Variants in SVIL observed in about 807,000 individuals in gnomAD.
The protein encoded by SVIL is supervillin.
In SVIL, 101 loss-of-function variants were observed where a neutral mutation model predicts 240.4. The observed-to-expected ratio is 0.42, with a 90% CI of 0.36 to 0.50. The LOEUF is 0.50. Ranked by LOEUF, SVIL falls within the 20% of genes least tolerant of loss-of-function variation. The pLI is 0.01. For missense variants in SVIL, 2,512 were observed against 2,818.7 expected (o/e 0.89, Z 2.46); for synonymous variants, 999 against 1,100.0 (o/e 0.91, Z 1.82).
At chr10:29,661,709 G>T (rs938089321) in intron 2 of SVIL, among the ~76,000 whole-genome samples, 3 of 152,218 alleles carry the variant, frequency 2.0e-5, no homozygotes, top group Non-Finnish European at 4.4e-5. Flanking sequence ...ATCCTTTTAG[G>T]TTAATGTTTC....
chr10:29,515,404 C>A (rs1327439793), intron 16 of SVIL, among the ~76,000 whole-genome samples: 2 of 152,170 alleles, frequency 1.3e-5, no homozygotes, highest in Non-Finnish European at 2.9e-5. Context: ...AATAATCTCA[C>A]AAAATGAAAT....
chr10:29,502,209 T>C (rs1483656453), intron 17 of SVIL, among the ~76,000 whole-genome samples: 1 of 152,212 alleles, frequency 6.6e-6, no homozygotes, highest in Non-Finnish European at 1.5e-5. Context: ...TGCTACTTAG[T>C]AGGGTTAGCT....
rs935970272 is a variant in SVIL, at chr10:29,713,189, GA to G, written c.-400+22561del. On this transcript the variant is annotated intron_variant, in intron 1 of 35. Transcript: ENST00000375400. Reference sequence around the variant, plus strand: ...ACAGTCCATCTCAAAAAAGAAAAAAGAAAAAAAAAAACTGCAGTGGTAATCA... The same window carrying G: ...ACAGTCCATCTCAAAAAAGAAAAAAGAAAAAAAAAACTGCAGTGGTAATCA... 1.0e-3 allele frequency among the ~76,000 whole-genome samples: 139 copies of G among 132,614 alleles called. 1 individual carries two copies. The highest frequency in any genetic ancestry group is 1.5e-3 in the Non-Finnish European group (89 of 61,212). 87.0% of individuals were successfully genotyped at this position (132,614 alleles called of 152,430 possible). A position where few individuals can be genotyped will look rare whatever the true frequency, so the allele number is the denominator to read the frequency against.
intron 3 of SVIL, among the ~76,000 whole-genome samples, chr10:29,556,537 C>T (rs554242261): frequency 1.3e-5 from 2 of 152,246 alleles, no homozygotes; most frequent in East Asian, 3.9e-4. Flanking sequence ...GTGATAGCCA[C>T]CTTAAAACTT....
chr10:29,675,910 T>C lies in SVIL; in HGVS notation c.-301+10643A>G, dbSNP rs188146301. On this transcript the variant is annotated intron_variant, in intron 2 of 35. Transcript: ENST00000375400. ...AGTCTTGAAACATAAGAAAGTTACA[T>C]TTGTCTTATCTGAGCTCCTTTCTCA... Among the ~76,000 whole-genome samples the C allele has an allele frequency of 9.9e-5, 15 of 152,268 alleles. No homozygotes were observed. The East Asian group carries it at 1.9e-3, about 20-fold the overall frequency.
chr10:29,532,120 C>T lies in SVIL; in HGVS notation c.1891G>A (p.Glu631Lys). Residue 631 changes from glutamate to lysine, a missense_variant, in exon 9 of 38, where the codon GAA becomes AAA. Glu to Lys is a moderately conservative substitution (Grantham distance 56). This residue lies in a region of SVIL where 1,443 missense variants were observed against 1,486.6 expected (regional missense o/e 0.97). Coordinates refer to ENST00000355867, the MANE Select transcript of SVIL (RefSeq NM_021738.3). ...AEGPGLPTGV[E>K]RERGSRKPRR... The stretch of plus-strand genomic sequence containing the variant: ...GGTTTCCGGGACCCTCTCTCCCGTT[C>T]CACACCGGTGGGCAAGCCAGGTCCT... 1 of 1,614,002 alleles carries T rather than the reference C, an allele frequency of 6.2e-7. No individual in the cohort carries two copies. The highest frequency in any genetic ancestry group is 1.1e-5 in the South Asian group (1 of 91,072).
chr10:29,650,704 C>A (rs921323484), intron 3 of SVIL, among the ~76,000 whole-genome samples: 2 of 152,110 alleles, frequency 1.3e-5, no homozygotes, highest in African/African-American at 4.8e-5. Flanking sequence ...AATGTCAACA[C>A]ATTGGGAGGC....
intron 1 of SVIL, among the ~76,000 whole-genome samples, chr10:29,610,684 G>C (rs1450123813): frequency 6.6e-6 from 1 of 152,080 alleles, no homozygotes; most frequent in East Asian, 1.9e-4. Flanking sequence ...ACCTCCCAAA[G>C]TGTTGGGATT....
chr10:29,573,743 G>T (rs1242954991), intron 1 of SVIL, among the ~76,000 whole-genome samples: 1 of 151,584 alleles, frequency 6.6e-6, no homozygotes, highest in Non-Finnish European at 1.5e-5. Flanking sequence ...CACCCAGGCT[G>T]GAGTGCAATG....
In SVIL at chr10:29,484,934, A is replaced by G; in HGVS notation, c.4780-103T>C. On this transcript the variant is annotated intron_variant, in intron 26 of 37. Coordinates refer to ENST00000355867, the MANE Select transcript of SVIL (RefSeq NM_021738.3). The surrounding 1 kb of genome is among the most constrained non-coding windows in gnomAD (Gnocchi z 4.7). ...TTGACAGTGAGTCAAACGGAGGAAG[A>G]CAGAAATCCTAACGGGGCGACCAAC... 1 of 1,278,882 alleles carries G rather than the reference A, an allele frequency of 7.8e-7. No individual in the cohort carries two copies. Among genetic ancestry groups the G allele is most frequent in the Non-Finnish European group, 1.1e-6 (1 of 937,876 alleles). 79.2% of individuals were successfully genotyped at this position (1,278,882 alleles called of 1,614,324 possible).
intron 17 of SVIL, among the ~76,000 whole-genome samples, chr10:29,501,477 G>A (rs1454191095): frequency 1.3e-5 from 2 of 150,068 alleles, no homozygotes; most frequent in African/African-American, 2.4e-5. Context: ...GGAAGGGAGC[G>A]AGAGTGAAGG....
intron 30 of SVIL, 38 bp from the exon 31 acceptor site, chr10:29,471,281 G>A (rs756766324): frequency 4.6e-6 from 7 of 1,507,474 alleles, no homozygotes; most frequent in African/African-American, 4.2e-5. Context: ...TAAGGGGCGC[G>A]GGGCTTTCAA....
chr10:29,595,307 G>A (rs977273152), intron 1 of SVIL, among the ~76,000 whole-genome samples: 2 of 152,218 alleles, frequency 1.3e-5, no homozygotes, highest in Admixed American at 1.3e-4. Flanking sequence ...TGGGCAGGTG[G>A]GCTTTGTTCT....
chr10:29,590,801 A>C (rs1956360697), intron 1 of SVIL, among the ~76,000 whole-genome samples: 1 of 152,166 alleles, frequency 6.6e-6, no homozygotes, highest in Admixed American at 6.5e-5. Context: ...GTATCAGTTG[A>C]AGTACTAACC....
chr10:29,607,105 T>G (rs1158167868), intron 1 of SVIL, among the ~76,000 whole-genome samples: 1 of 152,228 alleles, frequency 6.6e-6, no homozygotes, highest in Non-Finnish European at 1.5e-5. Context: ...TATCCTGGTG[T>G]GGGGCATGAT....
At chr10:29,648,848 G>A (rs1325949050) in intron 3 of SVIL, among the ~76,000 whole-genome samples, 3 of 151,662 alleles carry the variant, frequency 2.0e-5, no homozygotes, top group African/African-American at 7.3e-5. Flanking sequence ...AGCAGGGTTT[G>A]TTTCTTGGGC....
chr10:29,684,980 CTG>C (rs1960949239), intron 2 of SVIL, among the ~76,000 whole-genome samples: 1 of 152,028 alleles, frequency 6.6e-6, no homozygotes, highest in African/African-American at 2.4e-5. Flanking sequence ...GTAGGTAAAA[CTG>C]TGTGTCACAG....
intron 1 of SVIL, among the ~76,000 whole-genome samples, chr10:29,718,820 AAAAAC>A (rs1192594986): frequency 2.0e-5 from 3 of 152,082 alleles, no homozygotes; most frequent in African/African-American, 7.2e-5. Flanking sequence ...GATAGAATGG[AAAAAC>A]TCAGCCAGCC....
intron 1 of SVIL, among the ~76,000 whole-genome samples, chr10:29,723,477 G>A (rs1174627682): frequency 2.0e-5 from 3 of 151,930 alleles, no homozygotes; most frequent in African/African-American, 7.3e-5. Context: ...TGAAACTTTC[G>A]GTATTCACTG....
Sources: allele counts gnomAD v4.1 joint callset (sites outside exome capture counted in the v4.1 genomes callset), GRCh38; gene constraint gnomAD v4.1.1; regional missense constraint gnomAD v4.1.1; non-coding constraint Gnocchi (gnomAD v3.1); transcripts MANE v1.5; gene names NCBI Gene and HGNC (gene_info 2026-07-23, HGNC 2026-07-21).